Variants in ARHGEF28 observed in about 807,000 individuals in gnomAD.
ARHGEF28 encodes the protein 190 kDa guanine nucleotide exchange factor.
Under a neutral mutation model 206.6 loss-of-function variants are expected in ARHGEF28, and 152 were observed. The ratio of observed to expected loss-of-function variants is 0.74; its 90% confidence interval spans 0.64 to 0.84. The LOEUF (loss-of-function observed/expected upper bound fraction) is 0.84, where lower values mean the gene tolerates loss of function less well. Among genes scored for constraint, ARHGEF28 ranks in the 40% least tolerant of loss-of-function variants. The pLI, the probability that ARHGEF28 is intolerant of heterozygous loss-of-function variation, is 0.00. For synonymous variants in ARHGEF28, 763 were observed against 776.4 expected (o/e 0.98, Z 0.29); for missense variants, 2,028 against 2,073.2 (o/e 0.98, Z 0.42).
intron 35 of ARHGEF28, among the ~76,000 whole-genome samples, chr5:73,920,126 T>C (rs1267510160): frequency 6.6e-6 from 1 of 152,166 alleles, no homozygotes; most frequent in Non-Finnish European, 1.5e-5. Flanking sequence ...GAAGTTGAGG[T>C]ATCAGAGAAA....
At chr5:73,803,870 T>A (rs968993765) in intron 9 of ARHGEF28, among the ~76,000 whole-genome samples, 8 of 152,118 alleles carry the variant, frequency 5.3e-5, no homozygotes, top group African/African-American at 1.7e-4. Flanking sequence ...GAGGATCACC[T>A]GAGCTCACAA....
chr5:73,719,780 G>T (rs764969864), intron 2 of ARHGEF28, among the ~76,000 whole-genome samples: 5 of 152,340 alleles, frequency 3.3e-5, no homozygotes, highest in East Asian at 1.9e-4. Flanking sequence ...GTAAATATGC[G>T]CAAGGTGAAT....
intron 9 of ARHGEF28, among the ~76,000 whole-genome samples, chr5:73,820,281 G>A (rs900926711): frequency 6.6e-6 from 1 of 152,046 alleles, no homozygotes; most frequent in African/African-American, 2.4e-5. Context: ...GTGACTGATG[G>A]GTATCTTTAC....
intron 4 of ARHGEF28, among the ~76,000 whole-genome samples, chr5:73,766,161 A>G (rs545641782): frequency 6.8e-6 from 1 of 147,128 alleles, no homozygotes; most frequent in Non-Finnish European, 1.5e-5. Context: ...CTCAAAAAAA[A>G]AAAAACAAAA....
chr5:73,728,211 T>G (rs893512937), intron 2 of ARHGEF28, among the ~76,000 whole-genome samples: 1 of 152,224 alleles, frequency 6.6e-6, no homozygotes, highest in Non-Finnish European at 1.5e-5. Context: ...AGTAAACATG[T>G]AGAACAAAGT....
rs544103503 is a variant in ARHGEF28 at position 73,873,260 on chromosome 5, A to C, written c.2814+14A>C. 19 of 1,602,930 alleles carry C rather than the reference A, an allele frequency of 1.2e-5. No homozygotes were observed. The highest frequency in any genetic ancestry group is 1.7e-4 in the Middle Eastern group (1 of 6,032). ...TTGGTACAACAGGTAAGAAGAGCTT[A>C]AAGTCCTTGACCTTTATGACGTAAG... On this transcript the variant is annotated intron_variant, in intron 22 of 35. Transcript: ENST00000513042.
intron 2 of ARHGEF28, among the ~76,000 whole-genome samples, chr5:73,743,896 A>G (rs1751575416): frequency 6.6e-6 from 1 of 152,192 alleles, no homozygotes; most frequent in South Asian, 2.1e-4. Flanking sequence ...AAGTCACTAA[A>G]TATTCGTGCA....
chr5:73,780,809 T>C, intron 7 of ARHGEF28, 64 bp downstream of exon 7: 1 of 1,515,972 alleles, frequency 6.6e-7, no homozygotes. Context: ...ATCTAACCAG[T>C]CCGTTGAAGT....
rs1487763485 is a variant in ARHGEF28, at chr5:73,742,316, T to C, written c.34-7521T>C. ...TATCTACATTTAATATAATTGCTGA[T>C]ATAGTTGGATGTATATCTACATATA... is the stretch of plus-strand genomic sequence containing the variant. On this transcript the variant is annotated intron_variant, in intron 2 of 35. Coordinates refer to ENST00000513042, the MANE Select transcript of ARHGEF28 (RefSeq NM_001177693.2). Among the ~76,000 whole-genome samples the C allele has an allele frequency of 2.0e-5, 3 of 152,164 alleles. No individual in the cohort carries two copies. In the East Asian group the frequency reaches 5.8e-4, roughly 29 times the overall value.
chr5:73,740,048 G>A (rs1417509942), intron 2 of ARHGEF28, among the ~76,000 whole-genome samples: 1 of 149,220 alleles, frequency 6.7e-6, no homozygotes, highest in Non-Finnish European at 1.5e-5. Flanking sequence ...TGTGGTGGTG[G>A]TGCCTGCAGT....
intron 9 of ARHGEF28, among the ~76,000 whole-genome samples, chr5:73,813,213 A>G (rs1177877818): frequency 6.6e-6 from 1 of 152,068 alleles, no homozygotes; most frequent in East Asian, 1.9e-4. Context: ...GCTCTCTTTC[A>G]ATTCCCAGTT....
chr5:73,665,382 TGC>T (rs1301705155), intron 1 of ARHGEF28, among the ~76,000 whole-genome samples: 1 of 152,076 alleles, frequency 6.6e-6, no homozygotes, highest in African/African-American at 2.4e-5. Context: ...AGTGCAGTGG[TGC>T]AATCACAGCT....
chr5:73,648,739 T>C (rs751098864), intron 1 of ARHGEF28, among the ~76,000 whole-genome samples: 20 of 152,114 alleles, frequency 1.3e-4, no homozygotes, highest in Non-Finnish European at 2.2e-4. Context: ...TGAAGAGCAG[T>C]GAGGTGAGGG....
chr5:73,795,187 A>C, intron 8 of ARHGEF28, 144 bp from the exon 9 acceptor site: 1 of 668,420 alleles, frequency 1.5e-6, no homozygotes, highest in Non-Finnish European at 2.5e-6. Context: ...TAAGTATAAG[A>C]CTAGTTTTCT....
intron 2 of ARHGEF28, among the ~76,000 whole-genome samples, chr5:73,729,259 C>CT (rs1211133334): frequency 1.3e-5 from 2 of 152,312 alleles, no homozygotes; most frequent in East Asian, 3.9e-4. Context: ...CCTCAAAGGA[C>CT]TGTTGTGGGA....
At chr5:73,789,189 A>G (rs116575077) in intron 7 of ARHGEF28, among the ~76,000 whole-genome samples, 2,261 of 152,330 alleles carry the variant, frequency 0.015, 59 homozygotes, top group African/African-American at 0.052. Context: ...CTACCTATCT[A>G]TCTAATGGAA....
chr5:73,748,056 C>T, intron 2 of ARHGEF28, among the ~76,000 whole-genome samples: 1 of 152,156 alleles, frequency 6.6e-6, no homozygotes, highest in Non-Finnish European at 1.5e-5. Context: ...CAGGTCAGGT[C>T]AGATTCTGCC....
chr5:73,786,238 G>A (rs766471225), intron 7 of ARHGEF28: 4 of 152,198 alleles, frequency 2.6e-5, no homozygotes, highest in Non-Finnish European at 5.9e-5. Flanking sequence ...GTCATCGGGA[G>A]GGGCATTTCT....
intron 2 of ARHGEF28, among the ~76,000 whole-genome samples, chr5:73,737,487 C>CTTTTCTTTTCTTTTCTTTTCTT (rs1751042874): frequency 8.4e-6 from 1 of 118,602 alleles, no homozygotes; most frequent in Non-Finnish European, 1.6e-5. Flanking sequence ...CTTTTCTTTT[C>CTTTTCTTTTCTTTTCTTTTCTT]TTTTCTTTTC....
Sources: gnomAD v4.1 joint callset for allele counts (sites outside exome capture counted in the v4.1 genomes callset) on GRCh38, gnomAD v4.1.1 for gene constraint, MANE v1.5 for transcripts, NCBI Gene and HGNC (gene_info 2026-07-23, HGNC 2026-07-21) for gene names.